Variants in LRRC20 observed in about 807,000 individuals in gnomAD.
LRRC20 encodes the protein leucine-rich repeat-containing protein 20.
In LRRC20, 11 loss-of-function variants were observed where a neutral mutation model predicts 14.4. That is an observed-to-expected ratio of 0.77 (90% CI 0.48 to 1.27). The LOEUF is 1.27. LRRC20 is among the 50% of genes most tolerant of loss of function. LRRC20 has a pLI of 0.00. For missense variants in LRRC20, 219 were observed against 251.2 expected (o/e 0.87, Z 0.87); for synonymous variants, 121 against 107.3 (o/e 1.13, Z -0.79).
rs181497832 is a variant in LRRC20, at chr10:70,308,914, G to A, written c.401-7406C>T. Among the ~76,000 whole-genome samples the A allele has an allele frequency of 6.4e-4, 97 of 152,318 alleles. 1 individual carries two copies. The highest frequency in any genetic ancestry group is 2.2e-3 in the African/African-American group (90 of 41,570). ...AGCTGCCAGCAGCCTGGCCTCGCTC[G>A]TCCCAGCCTCTTGCTGGGTGTGGGG... is the stretch of plus-strand genomic sequence containing the variant. On this transcript the variant is annotated intron_variant, in intron 4 of 4. Transcript: ENST00000446961.
At chr10:70,367,059 T>G (rs1844026578) in intron 2 of LRRC20, among the ~76,000 whole-genome samples, 1 of 152,034 alleles carries the variant, frequency 6.6e-6, no homozygotes, top group Non-Finnish European at 1.5e-5. Context: ...ATGCCGTGGT[T>G]TGTGCCCATA....
intron 3 of LRRC20, among the ~76,000 whole-genome samples, chr10:70,326,104 A>G (rs1367241686): frequency 6.6e-6 from 1 of 152,118 alleles, no homozygotes; most frequent in East Asian, 1.9e-4. Context: ...AACTTTTAGA[A>G]AAATGACCCC....
chr10:70,365,071 T>G (rs1223253728), intron 2 of LRRC20, among the ~76,000 whole-genome samples: 1 of 148,530 alleles, frequency 6.7e-6, no homozygotes, highest in Non-Finnish European at 1.5e-5. Flanking sequence ...TTTTTTTTTT[T>G]TTTTTTGAGA....
In LRRC20 at chr10:70,339,313, T is replaced by C. The variant is rs113812844; in HGVS notation, c.232+1240A>G. Among the ~76,000 whole-genome samples the C allele has an allele frequency of 1.7e-3, 265 of 152,314 alleles. 3 individuals carry two copies. The highest frequency in any genetic ancestry group is 2.8e-3 in the Non-Finnish European group (188 of 68,020). On this transcript the variant is annotated intron_variant, in intron 3 of 4. Coordinates refer to ENST00000446961, the MANE Select transcript of LRRC20 (RefSeq NM_001278212.2). ...TTGTACCAGCAGACACAATTCTGGC[T>C]AGGAGGCTGTGGCAACAGAGATGGT...
intron 3 of LRRC20, among the ~76,000 whole-genome samples, chr10:70,339,028 ACT>A (rs1842816513): frequency 6.6e-6 from 1 of 151,752 alleles, no homozygotes; most frequent in South Asian, 2.1e-4. Flanking sequence ...TCATATGGTA[ACT>A]CTGTGCTCTG....
intron 2 of LRRC20, among the ~76,000 whole-genome samples, chr10:70,367,576 C>G (rs1213114298): frequency 3.1e-4 from 47 of 152,126 alleles, no homozygotes; most frequent in Non-Finnish European, 4.4e-5. Flanking sequence ...ACACGTGATG[C>G]TAAAGTGAAA....
intron 3 of LRRC20, 108 bp from the exon 4 acceptor site, chr10:70,324,138 A>C: frequency 1.1e-6 from 1 of 951,582 alleles, no homozygotes; most frequent in Admixed American, 2.1e-5. Context: ...GAAGGCACAG[A>C]GGAAGCCCTA....
intron 4 of LRRC20, among the ~76,000 whole-genome samples, chr10:70,311,221 C>CTTTTTTTTTTT (rs1491407192): frequency 2.5e-5 from 3 of 120,594 alleles, no homozygotes; most frequent in Admixed American, 8.6e-5. Flanking sequence ...TTCAACATTC[C>CTTTTTTTTTTT]ATTTTTTTTT....
rs987221393 is a variant in LRRC20, at chr10:70,337,679, A to C, written c.232+2874T>G. On this transcript the variant is annotated intron_variant, in intron 3 of 4. Coordinates refer to ENST00000446961, the MANE Select transcript of LRRC20 (RefSeq NM_001278212.2). ...TTGCATCCATACCCAGGCCCTTCCCATGCCACTCTCAGGAAGAATTCATTC... is the reference window on the plus strand; with the variant it reads ...TTGCATCCATACCCAGGCCCTTCCCCTGCCACTCTCAGGAAGAATTCATTC... Among the ~76,000 whole-genome samples, 20 of 152,174 alleles carry C rather than the reference A, an allele frequency of 1.3e-4. No homozygotes were observed. In the East Asian group the frequency reaches 3.1e-3, roughly 24 times the overall value.
intron 3 of LRRC20, among the ~76,000 whole-genome samples, chr10:70,337,959 A>C (rs1418329815): frequency 6.6e-6 from 1 of 151,980 alleles, no homozygotes; most frequent in Non-Finnish European, 1.5e-5. Context: ...GGACAGCCCC[A>C]CCCTCCATTT....
At chr10:70,381,172 T>C (rs548069841) in intron 1 of LRRC20, among the ~76,000 whole-genome samples, 4 of 152,332 alleles carry the variant, frequency 2.6e-5, no homozygotes, top group African/African-American at 9.6e-5. Context: ...CAGTCCCATT[T>C]GTAAAATGGA....
intron 2 of LRRC20, among the ~76,000 whole-genome samples, chr10:70,371,417 G>T (rs1361579286): frequency 6.6e-6 from 1 of 152,088 alleles, no homozygotes; most frequent in Non-Finnish European, 1.5e-5. Context: ...AGGGATGTGT[G>T]TAGTAGAGTC....
At chr10:70,318,613 G>A (rs1841959959) in intron 4 of LRRC20, among the ~76,000 whole-genome samples, 1 of 151,930 alleles carries the variant, frequency 6.6e-6, no homozygotes, top group Non-Finnish European at 1.5e-5. Context: ...AATTAGCCGG[G>A]CATGGTGGTG....
At position 70,356,525 on chromosome 10, in the gene LRRC20, C is replaced by CA. The variant is rs200550185; in HGVS notation, c.83-15824dup. On this transcript the variant is annotated intron_variant, in intron 2 of 4. Transcript: ENST00000446961. The stretch of plus-strand genomic sequence containing the variant: ...AGCCAGACCTTTTGAGACTTTGTCT[C>CA]AAAAAAATAAAAACAAATAAATAAA... Among the ~76,000 whole-genome samples the CA allele has an allele frequency of 8.4e-3, 1,265 of 150,888 alleles. 14 individuals are homozygous for CA. The highest frequency in any genetic ancestry group is 0.056 in the South Asian group (270 of 4,784).
intron 4 of LRRC20, among the ~76,000 whole-genome samples, chr10:70,320,296 GAGATAGAT>G (rs10555469): frequency 0.05 from 7,360 of 148,402 alleles, 278 homozygotes; most frequent in African/African-American, 0.11. Context: ...CATGTCCCAG[GAGATAGAT>G]AGATAGATAG....
chr10:70,352,744 C>A (rs1419051595), intron 2 of LRRC20, among the ~76,000 whole-genome samples: 1 of 152,194 alleles, frequency 6.6e-6, no homozygotes, highest in Admixed American at 6.5e-5. Context: ...GTGAACCTAA[C>A]ACTCCCCTTT....
chr10:70,322,894 G>A (rs545602217), intron 4 of LRRC20, among the ~76,000 whole-genome samples: 3 of 152,032 alleles, frequency 2.0e-5, no homozygotes, highest in Non-Finnish European at 2.9e-5. Flanking sequence ...ACCGCTGACA[G>A]ATGGGCACTC....
chr10:70,323,913 G>A lies in LRRC20; in HGVS notation c.350C>T (p.Thr117Ile). 6.2e-7 allele frequency: 1 copy of A among 1,614,204 alleles called. No homozygotes were observed. Among genetic ancestry groups the A allele is most frequent in the Non-Finnish European group, 8.5e-7 (1 of 1,180,040 alleles). Residue 117 changes from threonine (T) to isoleucine (I), a missense_variant, in exon 4 of 5, where the codon ACC becomes ATC. Physicochemically the swap from Thr to Ile is moderately conservative, Grantham distance 89. Coordinates refer to ENST00000446961, the MANE Select transcript of LRRC20 (RefSeq NM_001278212.2). ...GATGGTCTCCAGCGCCGGCAGGGCG[G>A]TAAGCTGCTCAGGGAAGTCCTGGAA... ...NQFQDFPEQL[T>I]ALPALETINL...
intron 2 of LRRC20, among the ~76,000 whole-genome samples, chr10:70,374,443 T>C (rs949525455): frequency 1.3e-5 from 2 of 151,546 alleles, no homozygotes; most frequent in East Asian, 3.9e-4. Flanking sequence ...CTCCATCTCC[T>C]GGGTTCAGGC....
Sources: allele counts gnomAD v4.1 joint callset (sites outside exome capture counted in the v4.1 genomes callset), GRCh38; gene constraint gnomAD v4.1.1; transcripts MANE v1.5; gene names NCBI Gene and HGNC (gene_info 2026-07-23, HGNC 2026-07-21).